The following USP10 variants were observed in gnomAD, a reference collection of about 807,000 sequenced individuals.
USP10 encodes ubiquitin carboxyl-terminal hydrolase 10.
In USP10, 22 loss-of-function variants were observed where a neutral mutation model predicts 84.5. That is an observed-to-expected ratio of 0.26 (90% CI 0.19 to 0.37). The LOEUF is 0.37. USP10 is among the 10% of genes least tolerant of loss of function. The pLI, the probability that USP10 is intolerant of heterozygous loss-of-function variation, is 1.00. For synonymous variants in USP10, 454 were observed against 387.6 expected (o/e 1.17, Z -2.01); for missense variants, 1,019 against 998.9 (o/e 1.02, Z -0.27).
rs1448579024 is a variant in USP10, at chr16:84,779,355, GAGAT to G, written c.*275_*278del. On this transcript the variant is annotated 3_prime_UTR_variant, in exon 14 of 14. Transcript: ENST00000219473. Reference sequence around the variant, plus strand: ...TATTTCTGAAATAATGCTGATTCCTGAGATAAGAAAGTGGATTTGATCCCCAGTC... The same window carrying G: ...TATTTCTGAAATAATGCTGATTCCTGAAGAAAGTGGATTTGATCCCCAGTC... 7.2e-6 allele frequency: 2 copies of G among 278,176 alleles called. No homozygotes were observed. The highest frequency in any genetic ancestry group is 1.3e-5 in the Non-Finnish European group (2 of 148,384). 17.2% of individuals were successfully genotyped at this position (278,176 alleles called of 1,614,324 possible).
At chr16:84,734,322 T>C (rs1351092442) in intron 2 of USP10, among the ~76,000 whole-genome samples, 1 of 152,204 alleles carries the variant, frequency 6.6e-6, no homozygotes, top group Non-Finnish European at 1.5e-5. Context: ...GTGAATCTGA[T>C]GTGTGTAGTA....
intron 2 of USP10, among the ~76,000 whole-genome samples, chr16:84,737,515 A>C (rs748002946): frequency 1.2e-4 from 19 of 152,202 alleles, no homozygotes; most frequent in Non-Finnish European, 2.4e-4. Context: ...CTGTGGAATA[A>C]AACACACACA....
intron 1 of USP10, chr16:84,704,978 C>T (rs1296527854): frequency 7.1e-7 from 1 of 1,404,200 alleles, no homozygotes; most frequent in African/African-American, 1.4e-5. Flanking sequence ...GCGGGCCCAG[C>T]ACCTGCTACC....
chr16:84,735,199 GT>G (rs1909752702), intron 2 of USP10, among the ~76,000 whole-genome samples: 3 of 29,970 alleles, frequency 1.0e-4, no homozygotes, highest in Non-Finnish European at 2.0e-4. Flanking sequence ...CCCGGGTGGT[GT>G]GTGTGTGTGT....
chr16:84,773,179 A>G (rs376980480), intron 12 of USP10, among the ~76,000 whole-genome samples: 16 of 152,198 alleles, frequency 1.1e-4, no homozygotes, highest in East Asian at 9.6e-4. Flanking sequence ...TTTGAAAGCA[A>G]TTTTAAAGAG....
At chr16:84,751,985 T>A (rs1485774087) in intron 4 of USP10, among the ~76,000 whole-genome samples, 1 of 152,182 alleles carries the variant, frequency 6.6e-6, no homozygotes, top group Non-Finnish European at 1.5e-5. Flanking sequence ...GTGGGCTGAT[T>A]TGTGGCAGCC....
At chr16:84,775,778 C>A (rs1914947721) in intron 13 of USP10, among the ~76,000 whole-genome samples, 1 of 152,202 alleles carries the variant, frequency 6.6e-6, no homozygotes, top group South Asian at 2.1e-4. Flanking sequence ...GACCTTGAGA[C>A]CTCTTCTGTC....
intron 5 of USP10, among the ~76,000 whole-genome samples, chr16:84,759,035 A>G (rs1309602512): frequency 2.0e-5 from 3 of 152,246 alleles, no homozygotes; most frequent in South Asian, 2.1e-4. Context: ...AGGGCTGCAG[A>G]CAAGCTGGCT....
Position 84,704,932 on chromosome 16 carries a change from C to G in USP10, c.21+4821C>G, listed in dbSNP as rs1020019060. The G allele has an allele frequency of 3.9e-6, 6 of 1,532,510 alleles. No individual in the cohort carries two copies. The African/African-American group carries it at 8.2e-5, about 21-fold the overall frequency. The allele number at this position is 1,532,510 out of a possible 1,614,324, so 94.9% of individuals were successfully genotyped here. ...ATTCCTCGACTTTCCCTTTTGGGCTCACATGAGAATTGTTAGGAGAATGTG... is the reference window on the plus strand; with the variant it reads ...ATTCCTCGACTTTCCCTTTTGGGCTGACATGAGAATTGTTAGGAGAATGTG... On this transcript the variant is annotated intron_variant, in intron 1 of 13. Coordinates refer to ENST00000219473, the MANE Select transcript of USP10 (RefSeq NM_005153.3).
rs539370490 is a variant in USP10, at chr16:84,779,329, A to G, written c.*247A>G. The G allele has an allele frequency of 1.4e-5, 5 of 353,284 alleles. No homozygotes were observed. Among genetic ancestry groups the G allele is most frequent in the Admixed American group, 9.3e-5 (2 of 21,528 alleles). 21.9% of individuals were successfully genotyped at this position (353,284 alleles called of 1,614,324 possible). ...GATTTTAGAAAATACACAAAAACCC[A>G]TATTTCTGAAATAATGCTGATTCCT... is the stretch of plus-strand genomic sequence containing the variant. On this transcript the variant is annotated 3_prime_UTR_variant, in exon 14 of 14. Transcript: ENST00000219473.
chr16:84,723,175 T>G (rs1908035697), intron 1 of USP10, among the ~76,000 whole-genome samples: 1 of 151,574 alleles, frequency 6.6e-6, no homozygotes, highest in African/African-American at 2.4e-5. Flanking sequence ...TTTTTCCCCC[T>G]TATACACTTA....
At position 84,745,555 on chromosome 16, in the gene USP10, C is replaced by T; in HGVS notation, c.1074C>T (p.Ala358=). 2 of 1,611,830 alleles carry T rather than the reference C, an allele frequency of 1.2e-6. No homozygotes were observed. Among genetic ancestry groups the T allele is most frequent in the Non-Finnish European group, 1.7e-6 (2 of 1,178,882 alleles). ...DSKPSSSSPV[A]YVETKYSPPA... ...AGCCCTCTTCCTCCTCGCCGGTGGCCTATGTGGAAACTAAGTATTCCCCTC... is the reference window on the plus strand; with the variant it reads ...AGCCCTCTTCCTCCTCGCCGGTGGCTTATGTGGAAACTAAGTATTCCCCTC... The change falls in exon 4 of 14, where the codon GCC becomes GCT. Residue 358 remains alanine, a synonymous_variant. Transcript: ENST00000219473.
At chr16:84,770,773 A>C (rs1006097181) in intron 11 of USP10, among the ~76,000 whole-genome samples, 209 of 128,040 alleles carry the variant, frequency 1.6e-3, no homozygotes, top group Non-Finnish European at 2.8e-3. Flanking sequence ...CTCCGTCCCC[A>C]AAAAAAAAAA....
At position 84,720,957 on chromosome 16, in the gene USP10, G is replaced by T. The variant is rs533328357; in HGVS notation, c.22-12478G>T. ...TGCCCAGGCTGGAGTGCAGTGGCGC[G>T]ATCTCAGCTCACGGCAACCTCCGCC... On this transcript the variant is annotated intron_variant, in intron 1 of 13. Coordinates refer to ENST00000219473, the MANE Select transcript of USP10 (RefSeq NM_005153.3). Among the ~76,000 whole-genome samples the T allele has an allele frequency of 1.7e-3, 249 of 147,840 alleles. 3 individuals carry two copies. Among genetic ancestry groups the T allele is most frequent in the African/African-American group, 5.7e-3 (226 of 39,710 alleles).
intron 1 of USP10, among the ~76,000 whole-genome samples, chr16:84,714,424 T>C (rs1405731193): frequency 1.3e-5 from 2 of 152,198 alleles, no homozygotes; most frequent in Non-Finnish European, 2.9e-5. Flanking sequence ...GCTTAGGCCA[T>C]CCTCCCTCTT....
intron 3 of USP10, 81 bp downstream of exon 3, chr16:84,740,450 T>A: frequency 8.7e-7 from 1 of 1,154,536 alleles, no homozygotes; most frequent in Non-Finnish European, 1.3e-6. Flanking sequence ...AAACATTGTT[T>A]CCCATTTGAA....
chr16:84,778,607 C>G (rs1226816501), intron 13 of USP10, among the ~76,000 whole-genome samples: 1 of 152,186 alleles, frequency 6.6e-6, no homozygotes, highest in Non-Finnish European at 1.5e-5. Context: ...GTAGGAGTGT[C>G]TGTGTGAGGC....
chr16:84,741,584 C>T (rs1910628487), intron 3 of USP10, among the ~76,000 whole-genome samples: 1 of 152,224 alleles, frequency 6.6e-6, no homozygotes, highest in African/African-American at 2.4e-5. Flanking sequence ...CTGCTTCCCC[C>T]TCCCTCCTTC....
chr16:84,771,732 G>A (rs1379177579), intron 11 of USP10, among the ~76,000 whole-genome samples: 1 of 152,012 alleles, frequency 6.6e-6, no homozygotes, highest in Non-Finnish European at 1.5e-5. Context: ...GCCAGATGTG[G>A]TGGTGGGAGC....
Sources: gnomAD v4.1 joint callset for allele counts (sites outside exome capture counted in the v4.1 genomes callset) on GRCh38, gnomAD v4.1.1 for gene constraint, MANE v1.5 for transcripts, NCBI Gene and HGNC (gene_info 2026-07-23, HGNC 2026-07-21) for gene names.